The following TMC4 variants were observed in gnomAD, a reference collection of about 807,000 sequenced individuals.
The protein encoded by TMC4 is voltage-gated chloride channel TMC4.
A neutral mutation model predicts 82.0 loss-of-function variants in TMC4; 70 were observed. That is an observed-to-expected ratio of 0.85 (90% CI 0.70 to 1.04). The LOEUF is 1.04. TMC4 is among the 50% of genes least tolerant of loss of function. The pLI, the probability that TMC4 is intolerant of heterozygous loss-of-function variation, is 0.00. For missense variants in TMC4, 879 were observed against 899.0 expected (o/e 0.98, Z 0.28); for synonymous variants, 446 against 406.0 (o/e 1.10, Z -1.18).
Position 54,160,986 on chromosome 19 carries a change from A to G in TMC4, c.1865T>C (p.Ile622Thr). ...AATAGACTCAGGGATCTGGGCCCAGATGGACGACTGCCCCCGGAATGGACC... is the reference window on the plus strand; with the variant it reads ...AATAGACTCAGGGATCTGGGCCCAGGTGGACGACTGCCCCCGGAATGGACC... ...LCGPFRGQSS[I>T]WAQIPESISS... is the part of the protein sequence containing the mutation. Residue 622 changes from isoleucine (I) to threonine (T), a missense_variant, in exon 13 of 15, where the codon ATC becomes ACC. Ile to Thr is a moderately conservative substitution (Grantham distance 89). Coordinates refer to ENST00000619895, the MANE Select transcript of TMC4 (RefSeq NM_144686.4). 1.9e-6 allele frequency: 3 copies of G among 1,614,176 alleles called. No homozygotes were observed. Among genetic ancestry groups the G allele is most frequent in the Non-Finnish European group, 2.5e-6 (3 of 1,180,032 alleles).
intron 5 of TMC4, among the ~76,000 whole-genome samples, chr19:54,166,777 A>G (rs1042771689): frequency 6.6e-6 from 1 of 151,800 alleles, no homozygotes; most frequent in Non-Finnish European, 1.5e-5. Flanking sequence ...AACATGGTGA[A>G]ACCCCATTTC....
chr19:54,171,047 T>A lies in TMC4; in HGVS notation c.293+823A>T, dbSNP rs189969269. On this transcript the variant is annotated intron_variant, in intron 2 of 14. Coordinates refer to ENST00000619895, the MANE Select transcript of TMC4 (RefSeq NM_144686.4). ...ATACATTGTTATTTTTTATTGTTTTTTCCATATATATACACATATATATAC... is the reference window on the plus strand; with the variant it reads ...ATACATTGTTATTTTTTATTGTTTTATCCATATATATACACATATATATAC... Among the ~76,000 whole-genome samples the A allele has an allele frequency of 4.6e-3, 601 of 130,180 alleles. 4 individuals carry two copies. Among genetic ancestry groups the A allele is most frequent in the African/African-American group, 0.017 (572 of 33,914 alleles). The allele number at this position is 130,180 out of a possible 152,430, so 85.4% of individuals were successfully genotyped here.
rs1333700680 is a variant in TMC4, at chr19:54,168,530, G to T, written c.593C>A (p.Ser198Tyr). 1.3e-6 allele frequency: 2 copies of T among 1,554,232 alleles called. No homozygotes were observed. Among genetic ancestry groups the T allele is most frequent in the Non-Finnish European group, 8.7e-7 (1 of 1,149,764 alleles). Residue 198 changes from serine (S) to tyrosine (Y), a missense_variant, in exon 4 of 15, where the codon TCC becomes TAC. Ser to Tyr is a moderately radical substitution (Grantham distance 144). Transcript: ENST00000619895. ...GGGGTTATAGGAGCCGCAGGGCGAG[G>T]AGATGTCGGGGCCGGGAGGGCCTGG... ...APPGPPGPDI[S>Y]SPCGSYNPHS... is the part of the protein sequence containing the mutation.
chr19:54,163,312 T>TTTC, intron 8 of TMC4, 153 bp from the exon 9 acceptor site: 3 of 312,776 alleles, frequency 9.6e-6, no homozygotes, highest in Admixed American at 8.3e-5. Flanking sequence ...TTCTTTCTTT[T>TTTC]TTTTTTTTTT....
At chr19:54,169,379 T>A in intron 3 of TMC4, 133 bp downstream of exon 3, 1 of 1,187,446 alleles carries the variant, frequency 8.4e-7, no homozygotes, top group East Asian at 2.6e-5. Context: ...CCCCAGCCCC[T>A]CCTCCCTCAG....
chr19:54,165,306 G>A (rs903303249), intron 6 of TMC4, 113 bp downstream of exon 6: 16 of 1,214,704 alleles, frequency 1.3e-5, no homozygotes, highest in Middle Eastern at 2.0e-4. Flanking sequence ...CTTGGAGAAG[G>A]AGCTGCTTAG....
At position 54,165,506 on chromosome 19, in the gene TMC4, G is replaced by C; in HGVS notation, c.858C>G (p.Ser286Arg). Reference sequence around the variant, plus strand: ...AGTCCCAGGCCGAGAACACCCGGTGGCTGTAGCTGGTCAGAGCCTCGGACT... The same window carrying C: ...AGTCCCAGGCCGAGAACACCCGGTGCCTGTAGCTGGTCAGAGCCTCGGACT... ...LAESEALTSY[S>R]HRVFSAWDFG... Residue 286 changes from serine to arginine, a missense_variant, in exon 6 of 15, where the codon AGC becomes AGG. Coordinates refer to ENST00000619895, the MANE Select transcript of TMC4 (RefSeq NM_144686.4). The C allele has an allele frequency of 6.2e-7, 1 of 1,612,798 alleles. No individual in the cohort carries two copies. Among genetic ancestry groups the C allele is most frequent in the Admixed American group, 1.7e-5 (1 of 59,936 alleles).
rs2075953483 is a variant in TMC4, at chr19:54,173,067, C to A, written c.51G>T (p.Glu17Asp). The stretch of plus-strand genomic sequence containing the variant: ...CTCTGGCCTCCCGGGGGGCCAGCCA[C>A]TCCCTAGAGGAGCCCCAGGCTTCTG... The part of the protein sequence containing the change: ...LESEAWGSSR[E>D]WLAPREARGG... Residue 17 changes from glutamate (E) to aspartate (D), a missense_variant, in exon 1 of 15, where the codon GAG becomes GAT. Coordinates refer to ENST00000619895, the MANE Select transcript of TMC4 (RefSeq NM_144686.4). 3 of 1,613,316 alleles carry A rather than the reference C, an allele frequency of 1.9e-6. No homozygotes were observed. The highest frequency in any genetic ancestry group is 1.7e-5 in the Admixed American group (1 of 59,910).
intron 5 of TMC4, among the ~76,000 whole-genome samples, chr19:54,167,958 G>T (rs2075744974): frequency 6.6e-6 from 1 of 151,988 alleles, no homozygotes; most frequent in Admixed American, 6.6e-5. Flanking sequence ...AGCAACTTGG[G>T]AGGCTGAGGC....
chr19:54,169,635 C>G lies in TMC4; in HGVS notation c.319G>C (p.Val107Leu). The change falls in exon 3 of 15, where the codon GTG (valine) becomes CTG (leucine). Residue 107 changes from valine (V) to leucine (L), a missense_variant. Val to Leu is a conservative substitution (Grantham distance 32). Transcript: ENST00000619895. ...GTCTTAGTTCCAGAGCCATAGACCACCTGGTCCCTGCTGGCATTTCTTTGC... is the reference window on the plus strand; with the variant it reads ...GTCTTAGTTCCAGAGCCATAGACCAGCTGGTCCCTGCTGGCATTTCTTTGC... ...HRQRNASRDQ[V>L]VYGSGTKTDR... 6.2e-7 allele frequency: 1 copy of G among 1,613,954 alleles called. No individual in the cohort carries two copies. The highest frequency in any genetic ancestry group is 8.5e-7 in the Non-Finnish European group (1 of 1,179,986).
In TMC4 at chr19:54,162,143, G is replaced by A. The variant is rs774845118; in HGVS notation, c.1645C>T (p.Leu549Phe). Residue 549 changes from leucine to phenylalanine, a missense_variant, in exon 11 of 15, where the codon CTT (leucine) becomes TTT (phenylalanine). Physicochemically the swap from Leu to Phe is conservative, Grantham distance 22 (BLOSUM62 0). Coordinates refer to ENST00000619895, the MANE Select transcript of TMC4 (RefSeq NM_144686.4). ...AGCAGCAGGAACTTGACCGTGTTAA[G>A]CAGGGGCAGTAAAGGGCAGAAAAAA... The part of the protein sequence containing the change: ...GSFFCPLLPL[L>F]NTVKFLLLFY... 1 of 1,613,802 alleles carries A rather than the reference G, an allele frequency of 6.2e-7. No homozygotes were observed. The highest frequency in any genetic ancestry group is 1.7e-5 in the Admixed American group (1 of 59,946).
chr19:54,163,308 C>CTTTTTT (rs35587690), intron 8 of TMC4, 149 bp from the exon 9 acceptor site: 16 of 593,570 alleles, frequency 2.7e-5, no homozygotes, highest in African/African-American at 2.4e-4. Context: ...TTCTTTCTTT[C>CTTTTTT]TTTTTTTTTT....
chr19:54,166,031 G>A (rs1188450950), intron 5 of TMC4, among the ~76,000 whole-genome samples: 1 of 152,160 alleles, frequency 6.6e-6, no homozygotes, highest in African/African-American at 2.4e-5. Context: ...GAGCTGCGGC[G>A]GGAAGAGCCG....
chr19:54,163,413 C>G, intron 8 of TMC4: 1 of 625,258 alleles, frequency 1.6e-6, no homozygotes, highest in Non-Finnish European at 2.7e-6. Context: ...CAGGCTCGAG[C>G]CATTCTCCTG....
chr19:54,163,268 G>C, intron 8 of TMC4, 109 bp from the exon 9 acceptor site: 3 of 1,330,916 alleles, frequency 2.3e-6, no homozygotes, highest in Non-Finnish European at 3.1e-6. Context: ...ATGAAGCTGA[G>C]GCCCAGTGAC....
chr19:54,162,465 AG>A (rs1239247670), intron 10 of TMC4, among the ~76,000 whole-genome samples, 180 bp from the exon 11 acceptor site: 1 of 149,476 alleles, frequency 6.7e-6, no homozygotes, highest in East Asian at 2.0e-4. Flanking sequence ...GAGGACTAGA[AG>A]GGACCCAGAT....
intron 5 of TMC4, among the ~76,000 whole-genome samples, chr19:54,167,458 G>A: frequency 1.3e-5 from 2 of 151,102 alleles, no homozygotes; most frequent in Non-Finnish European, 3.0e-5. Flanking sequence ...ACTTGGGAGG[G>A]TGAGGCAGTA....
intron 10 of TMC4, 78 bp downstream of exon 10, chr19:54,162,595 C>A (rs988606915): frequency 2.6e-6 from 3 of 1,167,514 alleles, no homozygotes; most frequent in African/African-American, 1.5e-5. Context: ...TAAAAAGGTG[C>A]GCGGTGAAAA....
chr19:54,168,684 C>T lies in TMC4; in HGVS notation c.443-4G>A, dbSNP rs202176190. On this transcript the variant is annotated splice_polypyrimidine_tract_variant and splice_region_variant and intron_variant, in intron 3 of 14. Coordinates refer to ENST00000619895, the MANE Select transcript of TMC4 (RefSeq NM_144686.4). Reference sequence around the variant, plus strand: ...TCCGTGCCGGCGCCAAACTGGCCTGCAGGGGGCAGCAGAGAGAGGCTCAGG... The same window carrying T: ...TCCGTGCCGGCGCCAAACTGGCCTGTAGGGGGCAGCAGAGAGAGGCTCAGG... 7,669 of 1,494,840 alleles carry T rather than the reference C, an allele frequency of 5.1e-3. 36 individuals are homozygous for T. The highest frequency in any genetic ancestry group is 5.8e-3 in the Non-Finnish European group (6,459 of 1,115,694). The allele number at this position is 1,494,840 out of a possible 1,614,324, so 92.6% of individuals were successfully genotyped here. A position where few individuals can be genotyped will look rare whatever the true frequency, so the allele number is the denominator to read the frequency against.
Sources: gnomAD v4.1 joint callset for allele counts (sites outside exome capture counted in the v4.1 genomes callset) on GRCh38, gnomAD v4.1.1 for gene constraint, MANE v1.5 for transcripts, NCBI Gene and HGNC (gene_info 2026-07-23, HGNC 2026-07-21) for gene names.